Variants in RALGAPA2 observed in about 807,000 individuals in gnomAD.
RALGAPA2 encodes Ral GTPase activating protein catalytic subunit alpha 2.
RALGAPA2 carries 139 observed loss-of-function variants against 230.4 expected under a neutral mutation model. The observed-to-expected ratio is 0.60, with a 90% CI of 0.53 to 0.69. The LOEUF (loss-of-function observed/expected upper bound fraction) is 0.69. RALGAPA2 is among the 30% of genes least tolerant of loss of function. RALGAPA2 has a pLI of 0.00. For synonymous variants in RALGAPA2, 847 were observed against 837.8 expected, an observed-to-expected ratio of 1.01 and a Z score of -0.19; for missense variants, 2,163 against 2,276.0, an observed-to-expected ratio of 0.95 and a Z score of 1.01.
intron 23 of RALGAPA2, 130 bp from the exon 24 acceptor site, chr20:20,546,962 G>GA (rs976023361): frequency 1.0e-6 from 1 of 987,220 alleles, no homozygotes; most frequent in Non-Finnish European, 1.4e-6. Context: ...AATTTTCAGT[G>GA]AAAGGGATAT....
At chr20:20,420,417 C>A (rs1310503966) in intron 37 of RALGAPA2, among the ~76,000 whole-genome samples, 2 of 152,190 alleles carry the variant, frequency 1.3e-5, no homozygotes, top group African/African-American at 4.8e-5. Flanking sequence ...TATTTCAATA[C>A]CTTACTTATT....
At chr20:20,604,858 C>T (rs1219421692) in intron 15 of RALGAPA2, among the ~76,000 whole-genome samples, 12 of 152,146 alleles carry the variant, frequency 7.9e-5, no homozygotes, top group Non-Finnish European at 1.8e-4. Flanking sequence ...ATACAAGTAT[C>T]TACAGTTCAC....
chr20:20,509,254 G>A (rs897520421), intron 33 of RALGAPA2, among the ~76,000 whole-genome samples: 8 of 152,180 alleles, frequency 5.3e-5, no homozygotes, highest in Non-Finnish European at 8.8e-5. Context: ...ACAGTGAAGG[G>A]CAAGGTGAGA....
Position 20,712,597 on chromosome 20 carries a change from C to CGCTGCTGCT in RALGAPA2, c.-118_-117insAGCAGCAGC. 8.2e-7 allele frequency: 1 copy of CGCTGCTGCT among 1,224,428 alleles called. No homozygotes were observed. The highest frequency in any genetic ancestry group is 1.0e-6 in the Non-Finnish European group (1 of 978,616). 75.8% of individuals were successfully genotyped at this position (1,224,428 alleles called of 1,614,324 possible). A position where few individuals can be genotyped will look rare whatever the true frequency, so the allele number is the denominator to read the frequency against. ...GCGGGCCACTCGCCGCCCCCAGCCC[C>CGCTGCTGCT]GCTGCTGCCGCCGCCGCCGCCGCCG... On this transcript the variant is annotated 5_prime_UTR_variant, in exon 1 of 40. Coordinates refer to ENST00000202677, the MANE Select transcript of RALGAPA2 (RefSeq NM_020343.4). This position sits in a 1 kb window ranked among gnomAD's most constrained non-coding sequence, Gnocchi z 5.5.
intron 12 of RALGAPA2, 98 bp from the exon 13 acceptor site, chr20:20,616,289 AT>A: frequency 1.0e-6 from 1 of 966,122 alleles, no homozygotes; most frequent in Non-Finnish European, 1.5e-6. Context: ...CAATGAAATC[AT>A]TTTTCAGTTA....
chr20:20,555,560 C>T (rs1433816138), intron 23 of RALGAPA2, among the ~76,000 whole-genome samples: 5 of 152,108 alleles, frequency 3.3e-5, no homozygotes, highest in Non-Finnish European at 5.9e-5. Context: ...GGATATTTTT[C>T]CATTTATTTA....
In RALGAPA2 at chr20:20,615,971, C is replaced by CTTAACATTT. The variant is rs2146316412; in HGVS notation, c.1688+63_1688+71dup. On this transcript the variant is annotated intron_variant, in intron 13 of 39. Transcript: ENST00000202677. Reference sequence around the variant, plus strand: ...GTAAAAACATTAAATAAATGCAAGCCTTAACATTTTAATTATGTTGAAAAA... The same window carrying CTTAACATTT: ...GTAAAAACATTAAATAAATGCAAGCCTTAACATTTTTAACATTTTAATTATGTTGAAAAA... 2.6e-6 allele frequency: 3 copies of CTTAACATTT among 1,162,684 alleles called. No homozygotes were observed. In the East Asian group the frequency reaches 8.6e-5, roughly 33 times the overall value. The allele number at this position is 1,162,684 out of a possible 1,614,324, so 72.0% of individuals were successfully genotyped here. A position where few individuals can be genotyped will look rare whatever the true frequency, so the allele number is the denominator to read the frequency against.
intron 24 of RALGAPA2, among the ~76,000 whole-genome samples, chr20:20,537,761 T>A (rs774689832): frequency 1.1e-4 from 16 of 152,210 alleles, no homozygotes; most frequent in Non-Finnish European, 2.1e-4. Flanking sequence ...TCTACTATTA[T>A]GTAATAAAAC....
intron 5 of RALGAPA2, among the ~76,000 whole-genome samples, chr20:20,642,487 A>G (rs2067076101): frequency 6.6e-6 from 1 of 152,184 alleles, no homozygotes; most frequent in Non-Finnish European, 1.5e-5. Flanking sequence ...CTGGGGTTAC[A>G]GGCATGAGCC....
At chr20:20,458,172 G>T (rs1041044832) in intron 37 of RALGAPA2, among the ~76,000 whole-genome samples, 7 of 152,078 alleles carry the variant, frequency 4.6e-5, no homozygotes, top group African/African-American at 1.7e-4. Flanking sequence ...GAGAGTAACT[G>T]CTATTTGAAA....
Position 20,643,623 on chromosome 20 carries a change from T to A in RALGAPA2, c.329-74A>T. On this transcript the variant is annotated intron_variant, in intron 4 of 39. Transcript: ENST00000202677. ...CAAAGATCTATTTTAAGAAAATATG[T>A]ACTTATGACAAAAATATACTTTTTA... is the stretch of plus-strand genomic sequence containing the variant. The A allele has an allele frequency of 4.8e-6, 6 of 1,250,526 alleles. No individual in the cohort carries two copies. The South Asian group carries it at 4.9e-5, about 10-fold the overall frequency. The allele number at this position is 1,250,526 out of a possible 1,614,324, so 77.5% of individuals were successfully genotyped here.
At chr20:20,583,996 GA>G (rs1237791830) in intron 19 of RALGAPA2, among the ~76,000 whole-genome samples, 1 of 152,050 alleles carries the variant, frequency 6.6e-6, no homozygotes, top group Non-Finnish European at 1.5e-5. Context: ...TACTCACAAA[GA>G]ACTAAAAGTT....
chr20:20,494,460 A>G (rs1004653637), intron 36 of RALGAPA2, among the ~76,000 whole-genome samples: 4 of 152,242 alleles, frequency 2.6e-5, no homozygotes, highest in Admixed American at 6.5e-5. Flanking sequence ...AAATACCACT[A>G]AAGGTATGAC....
chr20:20,583,921 C>T (rs2065058400), intron 19 of RALGAPA2, among the ~76,000 whole-genome samples: 1 of 152,192 alleles, frequency 6.6e-6, no homozygotes, highest in African/African-American at 2.4e-5. Flanking sequence ...ACCCTTCTGG[C>T]TGCTCTCTGT....
At chr20:20,590,336 C>A (rs1216684644) in intron 17 of RALGAPA2, among the ~76,000 whole-genome samples, 1 of 152,014 alleles carries the variant, frequency 6.6e-6, no homozygotes, top group Non-Finnish European at 1.5e-5. Flanking sequence ...TTATACAAAA[C>A]CTTTCAAAAA....
chr20:20,711,142 T>C (rs1174047482), intron 1 of RALGAPA2, among the ~76,000 whole-genome samples: 1 of 152,230 alleles, frequency 6.6e-6, no homozygotes, highest in Non-Finnish European at 1.5e-5. Context: ...GTATGTGAGA[T>C]TGTGAATAAC....
intron 23 of RALGAPA2, among the ~76,000 whole-genome samples, chr20:20,556,258 C>T (rs1163271417): frequency 2.0e-5 from 3 of 152,200 alleles, no homozygotes; most frequent in Admixed American, 1.3e-4. Context: ...AGCCCCTTTT[C>T]TCTGACCAAC....
At chr20:20,652,597 T>G (rs190008913) in intron 4 of RALGAPA2, among the ~76,000 whole-genome samples, 179 of 152,274 alleles carry the variant, frequency 1.2e-3, no homozygotes, top group Middle Eastern at 3.4e-3. Context: ...CATCATAAGG[T>G]CACACTCTCC....
rs180797615 is a variant in RALGAPA2 at position 20,547,697 on chromosome 20, C to T, written c.3157-865G>A. 2.8e-3 allele frequency among the ~76,000 whole-genome samples: 427 copies of T among 152,276 alleles called. 2 individuals are homozygous for T. Among genetic ancestry groups the T allele is most frequent in the African/African-American group, 9.8e-3 (408 of 41,554 alleles). On this transcript the variant is annotated intron_variant, in intron 23 of 39. Coordinates refer to ENST00000202677, the MANE Select transcript of RALGAPA2 (RefSeq NM_020343.4). ...TAGTAAGAAAACCACAAACCACAAACTTATGCAGCTGTTGGCCATGTACAT... is the reference window on the plus strand; with the variant it reads ...TAGTAAGAAAACCACAAACCACAAATTTATGCAGCTGTTGGCCATGTACAT...
Sources: gnomAD v4.1 joint callset for allele counts (sites outside exome capture counted in the v4.1 genomes callset) on GRCh38, gnomAD v4.1.1 for gene constraint, Gnocchi (gnomAD v3.1) non-coding constraint, MANE v1.5 for transcripts, NCBI Gene and HGNC (gene_info 2026-07-23, HGNC 2026-07-21) for gene names.